KCNQ1: variants seen among roughly 807,000 people sequenced by gnomAD.
The protein encoded by KCNQ1 is potassium voltage-gated channel subfamily KQT member 1.
KCNQ1 carries 49 observed loss-of-function variants against 72.4 expected under a neutral mutation model. That is an observed-to-expected ratio of 0.68 (90% CI 0.54 to 0.86). The LOEUF (loss-of-function observed/expected upper bound fraction) is 0.86, where lower values mean the gene tolerates loss of function less well. Ranked by LOEUF, KCNQ1 falls within the 40% of genes least tolerant of loss-of-function variation. The pLI, the probability that KCNQ1 is intolerant of heterozygous loss-of-function variation, is 0.00. For synonymous variants in KCNQ1, 450 were observed against 412.6 expected, an observed-to-expected ratio of 1.09 and a Z score of -1.10; for missense variants, 790 against 945.1, an observed-to-expected ratio of 0.84 and a Z score of 2.15.
rs888154523 is a variant in KCNQ1 at position 2,611,378 on chromosome 11, C to A, written c.1393+22524C>A. On this transcript the variant is annotated intron_variant, in intron 10 of 15. Transcript: ENST00000155840. The surrounding 1 kb of genome is among the most constrained non-coding windows in gnomAD (Gnocchi z 5.3). ...GGGACTACAGGCATTTGCCACCATA[C>A]CCAGCTAATTTTTAGTAGAGACAGA... The A allele has an allele frequency of 5.0e-6, 2 of 397,310 alleles. No homozygotes were observed. Among genetic ancestry groups the A allele is most frequent in the Non-Finnish European group, 8.9e-6 (2 of 225,828 alleles). The allele number at this position is 397,310 out of a possible 1,614,324, so 24.6% of individuals were successfully genotyped here. A position where few individuals can be genotyped will look rare whatever the true frequency, so the allele number is the denominator to read the frequency against.
chr11:2,495,785 A>G lies in KCNQ1; in HGVS notation c.387-32143A>G, dbSNP rs914080396. On this transcript the variant is annotated intron_variant, in intron 1 of 15. Coordinates refer to ENST00000155840, the MANE Select transcript of KCNQ1 (RefSeq NM_000218.3). The surrounding 1 kb of genome is among the most constrained non-coding windows in gnomAD (Gnocchi z 4.6). ...TGTGGTCAATTTTAGAATAAGTGCT[A>G]TGTGATGCTGAGAACAATGTACATT... Among the ~76,000 whole-genome samples the G allele has an allele frequency of 2.0e-5, 3 of 152,162 alleles. No individual in the cohort carries two copies. The highest frequency in any genetic ancestry group is 2.9e-5 in the Non-Finnish European group (2 of 68,038).
intron 10 of KCNQ1, chr11:2,636,583 T>G (rs1849469585): frequency 6.6e-6 from 1 of 152,156 alleles, no homozygotes; most frequent in South Asian, 2.1e-4. Flanking sequence ...TGGATTCGGT[T>G]TGCCAGTATT....
chr11:2,649,265 C>A, intron 10 of KCNQ1: 1 of 398,316 alleles, frequency 2.5e-6, no homozygotes, highest in Admixed American at 4.4e-5. Flanking sequence ...TGTTTTCTGA[C>A]TGATTTGTAT....
chr11:2,583,292 C>T (rs530786956), intron 6 of KCNQ1, 143 bp from the exon 7 acceptor site: 172 of 719,426 alleles, frequency 2.4e-4, no homozygotes, highest in African/African-American at 1.6e-3. Context: ...CTGGTGCTTT[C>T]GCCGAGTCAC....
intron 15 of KCNQ1, among the ~76,000 whole-genome samples, chr11:2,780,480 C>T (rs966973644): frequency 2.6e-5 from 4 of 152,226 alleles, no homozygotes; most frequent in African/African-American, 9.6e-5. Context: ...AGCCAGAGCC[C>T]CTGGCCTTCC....
In KCNQ1 at chr11:2,611,710, A is replaced by G. The variant is rs772493835; in HGVS notation, c.1393+22856A>G. The G allele has an allele frequency of 2.0e-5, 8 of 398,424 alleles. No homozygotes were observed. Among genetic ancestry groups the G allele is most frequent in the Non-Finnish European group, 3.5e-5 (8 of 226,040 alleles). 24.7% of individuals were successfully genotyped at this position (398,424 alleles called of 1,614,324 possible). A position where few individuals can be genotyped will look rare whatever the true frequency, so the allele number is the denominator to read the frequency against. On this transcript the variant is annotated intron_variant, in intron 10 of 15. Transcript: ENST00000155840. The surrounding 1 kb of genome is among the most constrained non-coding windows in gnomAD (Gnocchi z 5.3). ...AGTTTTTAATTCACTTATATGTAAT[A>G]TAATTATTGATATGGAAGGATTTAT...
rs967012459 is a variant in KCNQ1 at position 2,715,351 on chromosome 11, A to G, written c.1514+53270A>G. On this transcript the variant is annotated intron_variant, in intron 11 of 15. Coordinates refer to ENST00000155840, the MANE Select transcript of KCNQ1 (RefSeq NM_000218.3). The surrounding 1 kb of genome is among the most constrained non-coding windows in gnomAD (Gnocchi z 4.9). ...GGAGGGCCCTTACCCCGGAGGAGCCAGGAAGGTGGACAGAGCAGGCAGGAG... is the reference window on the plus strand; with the variant it reads ...GGAGGGCCCTTACCCCGGAGGAGCCGGGAAGGTGGACAGAGCAGGCAGGAG... 6.6e-6 allele frequency among the ~76,000 whole-genome samples: 1 copy of G among 152,074 alleles called. No individual in the cohort carries two copies. The highest frequency in any genetic ancestry group is 1.5e-5 in the Non-Finnish European group (1 of 67,996).
chr11:2,504,631 C>T (rs991673628), intron 1 of KCNQ1, among the ~76,000 whole-genome samples: 2 of 152,106 alleles, frequency 1.3e-5, no homozygotes, highest in Non-Finnish European at 2.9e-5. Context: ...GTGGCATACA[C>T]CTGTAATCCC....
At chr11:2,660,402 A>C (rs12573965) in intron 10 of KCNQ1, 39,954 of 398,536 alleles carry the variant, frequency 0.1, 2,144 homozygotes, top group Non-Finnish European at 0.12. Context: ...TTTATAAAGC[A>C]AAAGATGTAT....
At chr11:2,807,982 G>A (rs551696378) in intron 15 of KCNQ1, among the ~76,000 whole-genome samples, 8 of 152,212 alleles carry the variant, frequency 5.3e-5, no homozygotes, top group Admixed American at 3.3e-4. Context: ...GTAAGGATGA[G>A]ACAGGAACGG....
intron 11 of KCNQ1, among the ~76,000 whole-genome samples, chr11:2,740,968 C>T (rs942453216): frequency 1.3e-5 from 2 of 152,206 alleles, no homozygotes; most frequent in East Asian, 3.9e-4. Context: ...CCTTGATTCC[C>T]CTTCAAAGGA....
Position 2,491,959 on chromosome 11 carries a change from C to T in KCNQ1, c.387-35969C>T, listed in dbSNP as rs944054299. Among the ~76,000 whole-genome samples, 9 of 152,258 alleles carry T rather than the reference C, an allele frequency of 5.9e-5. No individual in the cohort carries two copies. Among genetic ancestry groups the T allele is most frequent in the East Asian group, 3.9e-4 (2 of 5,190 alleles). ...GAAAAAAAAGAAAAAAACTTTTGCT[C>T]TAGAATAGTATATCTGGTGAAAATA... On this transcript the variant is annotated intron_variant, in intron 1 of 15. Coordinates refer to ENST00000155840, the MANE Select transcript of KCNQ1 (RefSeq NM_000218.3). The surrounding 1 kb of genome is among the most constrained non-coding windows in gnomAD (Gnocchi z 4.1).
intron 1 of KCNQ1, among the ~76,000 whole-genome samples, chr11:2,518,447 GA>G (rs1335111462): frequency 6.6e-6 from 1 of 152,210 alleles, no homozygotes; most frequent in East Asian, 1.9e-4. Context: ...CCGGCAGGGG[GA>G]CCAGCCTCTG....
Position 2,748,030 on chromosome 11 carries a change from T to C in KCNQ1, c.1515-20814T>C, listed in dbSNP as rs1846166758. Among the ~76,000 whole-genome samples, 1 of 152,134 alleles carries C rather than the reference T, an allele frequency of 6.6e-6. No individual in the cohort carries two copies. The highest frequency in any genetic ancestry group is 1.5e-5 in the Non-Finnish European group (1 of 68,022). ...CAAGAAGACCACTCGGGCCTAGGGC[T>C]CTGCAAGCAATATCTGATTTTCAGA... On this transcript the variant is annotated intron_variant, in intron 11 of 15. Transcript: ENST00000155840. The surrounding 1 kb of genome is among the most constrained non-coding windows in gnomAD (Gnocchi z 6.2).
intron 10 of KCNQ1, chr11:2,656,853 T>G: frequency 2.5e-6 from 1 of 398,660 alleles, no homozygotes; most frequent in Non-Finnish European, 4.4e-6. Flanking sequence ...CTTTTCATAG[T>G]TAGGTCTTCA....
intron 6 of KCNQ1, among the ~76,000 whole-genome samples, chr11:2,577,331 G>A (rs1466027729): frequency 6.6e-6 from 1 of 152,230 alleles, no homozygotes; most frequent in Non-Finnish European, 1.5e-5. Context: ...GAGTGTCCCT[G>A]CAGGACTGTT....
intron 10 of KCNQ1, chr11:2,650,754 C>T (rs1849744411): frequency 2.5e-6 from 1 of 398,504 alleles, no homozygotes; most frequent in Non-Finnish European, 4.4e-6. Context: ...CTTTGCTACC[C>T]ACAGGCAATT....
chr11:2,651,476 T>C lies in KCNQ1; in HGVS notation c.1394-10485T>C, dbSNP rs1269640808. On this transcript the variant is annotated intron_variant, in intron 10 of 15. Coordinates refer to ENST00000155840, the MANE Select transcript of KCNQ1 (RefSeq NM_000218.3). The surrounding 1 kb of genome is among the most constrained non-coding windows in gnomAD (Gnocchi z 6.1). ...AGGTAGTGCTTATGAAAGTATCTGGTGGGCTTGCATTAAGAAGCTGTCAGT... is the reference window on the plus strand; with the variant it reads ...AGGTAGTGCTTATGAAAGTATCTGGCGGGCTTGCATTAAGAAGCTGTCAGT... 36 of 398,618 alleles carry C rather than the reference T, an allele frequency of 9.0e-5. No homozygotes were observed. Among genetic ancestry groups the C allele is most frequent in the Non-Finnish European group, 1.8e-5 (4 of 226,132 alleles). The allele number at this position is 398,618 out of a possible 1,614,324, so 24.7% of individuals were successfully genotyped here. A position where few individuals can be genotyped will look rare whatever the true frequency, so the allele number is the denominator to read the frequency against.
rs1849092422 is a variant in KCNQ1, at chr11:2,617,781, T to G, written c.1393+28927T>G. ...ATTTTGATTTGCATTTCCCTGACGA[T>G]TAGTGATGTTAAATGTCTTTTCATA... is the stretch of plus-strand genomic sequence containing the variant. On this transcript the variant is annotated intron_variant, in intron 10 of 15. Coordinates refer to ENST00000155840, the MANE Select transcript of KCNQ1 (RefSeq NM_000218.3). This position sits in a 1 kb window ranked among gnomAD's most constrained non-coding sequence, Gnocchi z 4.6. 2.5e-6 allele frequency: 1 copy of G among 398,554 alleles called. No individual in the cohort carries two copies. Among genetic ancestry groups the G allele is most frequent in the Non-Finnish European group, 4.4e-6 (1 of 226,012 alleles). 24.7% of individuals were successfully genotyped at this position (398,554 alleles called of 1,614,324 possible).
Sources: gnomAD v4.1 joint callset for allele counts (sites outside exome capture counted in the v4.1 genomes callset) on GRCh38, gnomAD v4.1.1 for gene constraint, Gnocchi (gnomAD v3.1) non-coding constraint, MANE v1.5 for transcripts, NCBI Gene and HGNC (gene_info 2026-07-23, HGNC 2026-07-21) for gene names.